The following ZNF546 variants were observed in gnomAD, a reference collection of about 807,000 sequenced individuals.
ZNF546 encodes zinc finger protein 546, also known as CTC-471F3.6.
Under a neutral mutation model 76.2 loss-of-function variants are expected in ZNF546, and 60 were observed. The observed-to-expected ratio is 0.79, with a 90% confidence interval of 0.64 to 0.98. The LOEUF (loss-of-function observed/expected upper bound fraction) is 0.98, where lower values mean the gene tolerates loss of function less well. ZNF546 is among the 50% of genes least tolerant of loss of function. ZNF546 has a pLI of 0.00. For synonymous variants in ZNF546, 277 were observed against 328.1 expected (o/e 0.84, Z 1.68); for missense variants, 936 against 1,035.6 (o/e 0.90, Z 1.32).
At position 40,013,950 on chromosome 19, in the gene ZNF546, G is replaced by GACA; in HGVS notation, c.684_686dup (p.Gln229dup). 1 of 1,612,180 alleles carries GACA rather than the reference G, an allele frequency of 6.2e-7. No homozygotes were observed. The highest frequency in any genetic ancestry group is 8.5e-7 in the Non-Finnish European group (1 of 1,178,958). On this transcript the variant is annotated inframe_insertion, in exon 7 of 7. Transcript: ENST00000347077. ...TGTAAGGAATGTAGAAAGGCCTTTA[G>GACA]ACAACAGTCATACCTTATTCAACAT... is the stretch of plus-strand genomic sequence containing the variant.
Position 40,014,652 on chromosome 19 carries a change from G to A in ZNF546, c.1382G>A (p.Arg461Lys). 6.2e-7 allele frequency: 1 copy of A among 1,611,422 alleles called. No individual in the cohort carries two copies. The highest frequency in any genetic ancestry group is 8.5e-7 in the Non-Finnish European group (1 of 1,179,042). Residue 461 changes from arginine (R) to lysine (K), a missense_variant, in exon 7 of 7, where the codon AGA (arginine) becomes AAA (lysine). Coordinates refer to ENST00000347077, the MANE Select transcript of ZNF546 (RefSeq NM_178544.5). Reference sequence around the variant, plus strand: ...CAAACGGAACTTACTCGGCATCATAGAACTCATACTGGTGAGAAACCCTAT... The same window carrying A: ...CAAACGGAACTTACTCGGCATCATAAAACTCATACTGGTGAGAAACCCTAT... ...RLQTELTRHH[R>K]THTGEKPYEC... is the part of the protein sequence containing the mutation.
intron 5 of ZNF546, among the ~76,000 whole-genome samples, chr19:40,007,930 A>G (rs1971624554): frequency 6.6e-6 from 1 of 152,208 alleles, no homozygotes; most frequent in Admixed American, 6.5e-5. Context: ...TGTTGAAGGA[A>G]TATCTGAGGA....
Position 40,014,075 on chromosome 19 carries a change from G to A in ZNF546, c.805G>A (p.Gly269Arg), listed in dbSNP as rs895916492. ...TAGAGTACATCACACAATCCATGCT[G>A]GGGAGAGACCCTATGAATGTAAAGA... ...DLRVHHTIHA[G>R]ERPYECKECG... Residue 269 changes from glycine (G) to arginine (R), a missense_variant, in exon 7 of 7, where the codon GGG becomes AGG. Physicochemically the swap from Gly to Arg is moderately radical, Grantham distance 125. Transcript: ENST00000347077. 6.2e-7 allele frequency: 1 copy of A among 1,613,170 alleles called. No individual in the cohort carries two copies. Among genetic ancestry groups the A allele is most frequent in the African/African-American group, 1.3e-5 (1 of 74,894 alleles).
Position 40,014,218 on chromosome 19 carries a change from TAG to T in ZNF546, c.951_952del (p.Arg317SerfsTer13). 6.2e-7 allele frequency: 1 copy of T among 1,613,592 alleles called. No individual in the cohort carries two copies. Among genetic ancestry groups the T allele is most frequent in the Non-Finnish European group, 8.5e-7 (1 of 1,179,646 alleles). ...AAGCCTTTAGTCGTGTTAGAGACCT[TAG>T]AGTACATCAGACAATTCATGCTGGA... ...GKAFSRVRDL[R>X]VHQTIHAGER... On this transcript the variant is annotated frameshift_variant, in exon 7 of 7. Transcript: ENST00000347077. LOFTEE classifies it high-confidence loss of function.
intron 3 of ZNF546, among the ~76,000 whole-genome samples, chr19:40,003,832 C>G (rs906764726): frequency 1.3e-5 from 2 of 151,554 alleles, no homozygotes; most frequent in African/African-American, 4.9e-5. Flanking sequence ...GCCAACATGG[C>G]GAAACCCTGT....
At chr19:39,997,315 G>C (rs1266170456) in intron 1 of ZNF546, 158 bp downstream of exon 1, 1 of 152,758 alleles carries the variant, frequency 6.5e-6, no homozygotes, top group African/African-American at 2.4e-5. Context: ...GACAAAATGT[G>C]GCAGACGGTG....
At position 40,014,369 on chromosome 19, in the gene ZNF546, A is replaced by G. The variant is rs1473324823; in HGVS notation, c.1099A>G (p.Arg367Gly). Residue 367 changes from arginine (R) to glycine (G), a missense_variant, in exon 7 of 7, where the codon AGG (arginine) becomes GGG (glycine). Transcript: ENST00000347077. The part of the protein sequence containing the change: ...YECKVCGKTF[R>G]VQRHISQHQK... ...ATGTAAGGTTTGTGGCAAGACCTTT[A>G]GGGTACAACGACATATTAGTCAACA... 6.2e-7 allele frequency: 1 copy of G among 1,613,830 alleles called. No homozygotes were observed. The highest frequency in any genetic ancestry group is 1.3e-5 in the African/African-American group (1 of 74,856).
Position 40,016,027 on chromosome 19 carries a change from T to C in ZNF546, c.*246T>C. On this transcript the variant is annotated 3_prime_UTR_variant, in exon 7 of 7. Coordinates refer to ENST00000347077, the MANE Select transcript of ZNF546 (RefSeq NM_178544.5). The stretch of plus-strand genomic sequence containing the variant: ...GGCCTTTTCCCCTACAAACTGTTGT[T>C]GAACAGTGCTTCTCTAAAATGCAAT... The C allele has an allele frequency of 2.0e-6, 1 of 503,902 alleles. No homozygotes were observed. Among genetic ancestry groups the C allele is most frequent in the South Asian group, 2.2e-5 (1 of 44,672 alleles). The allele number at this position is 503,902 out of a possible 1,614,324, so 31.2% of individuals were successfully genotyped here.
At chr19:40,000,549 G>C (rs1971515705) in intron 3 of ZNF546, among the ~76,000 whole-genome samples, 2 of 150,222 alleles carry the variant, frequency 1.3e-5, no homozygotes, top group African/African-American at 4.9e-5. Flanking sequence ...TTGAACCCAG[G>C]AGGTTGCAGT....
At position 40,015,194 on chromosome 19, in the gene ZNF546, T is replaced by A. The variant is rs373494782; in HGVS notation, c.1924T>A (p.Cys642Ser). 1.5e-5 allele frequency: 25 copies of A among 1,613,896 alleles called. No homozygotes were observed. Among genetic ancestry groups the A allele is most frequent in the Non-Finnish European group, 2.1e-5 (25 of 1,180,002 alleles). The change falls in exon 7 of 7, where the codon TGT becomes AGT. Residue 642 changes from cysteine to serine, a missense_variant. Coordinates refer to ENST00000347077, the MANE Select transcript of ZNF546 (RefSeq NM_178544.5). ...TGAAAAACCCTATAAATGTACAGAA[T>A]GTGGGAAGGCCTTTATTCGTAGCAC... ...TGEKPYKCTE[C>S]GKAFIRSTHL... is the part of the protein sequence containing the mutation.
At chr19:40,006,517 G>C (rs1311512699) in intron 4 of ZNF546, among the ~76,000 whole-genome samples, 2 of 152,176 alleles carry the variant, frequency 1.3e-5, no homozygotes, top group African/African-American at 4.8e-5. Context: ...ATTTCCAAGG[G>C]ATGAATAAGA....
intron 2 of ZNF546, 121 bp from the exon 3 acceptor site, chr19:39,998,127 T>C (rs1971478996): frequency 1.8e-6 from 1 of 560,408 alleles, no homozygotes; most frequent in Non-Finnish European, 3.2e-6. Context: ...TTTTTCCCTT[T>C]GAAGAAGTTC....
Position 39,998,428 on chromosome 19 carries a change from CT to C in ZNF546, c.84+19del, listed in dbSNP as rs1400165689. The C allele has an allele frequency of 6.3e-7, 1 of 1,597,774 alleles. No homozygotes were observed. The highest frequency in any genetic ancestry group is 2.2e-5 in the East Asian group (1 of 44,790). On this transcript the variant is annotated intron_variant, in intron 3 of 6. Coordinates refer to ENST00000347077, the MANE Select transcript of ZNF546 (RefSeq NM_178544.5). ...CTATAATGGTAGAGAAATGCATATC[CT>C]GGAGTCTAAAGTTAAAACTTTGTTT...
intron 3 of ZNF546, among the ~76,000 whole-genome samples, chr19:39,999,364 T>G (rs991902092): frequency 8.5e-5 from 13 of 152,344 alleles, no homozygotes; most frequent in African/African-American, 2.9e-4. Context: ...TTCCTATTGT[T>G]TGCATACATG....
At chr19:39,998,170 G>T in intron 2 of ZNF546, 78 bp from the exon 3 acceptor site, 1 of 574,702 alleles carries the variant, frequency 1.7e-6, no homozygotes, top group Non-Finnish European at 3.1e-6. Context: ...TAAATTATTT[G>T]TCACATAAAT....
At position 40,006,118 on chromosome 19, in the gene ZNF546, G is replaced by T. The variant is rs1362344022; in HGVS notation, c.107G>T (p.Cys36Phe). 1 of 1,613,862 alleles carries T rather than the reference G, an allele frequency of 6.2e-7. No homozygotes were observed. Among genetic ancestry groups the T allele is most frequent in the Non-Finnish European group, 8.5e-7 (1 of 1,179,974 alleles). Residue 36 changes from cysteine to phenylalanine, a missense_variant, in exon 4 of 7, where the codon TGC becomes TTC. By Grantham distance (205) the Cys-to-Phe change is radical. Transcript: ENST00000347077. ...SIMPRFLWIL[C>F]FSMEETQGEL... The stretch of plus-strand genomic sequence containing the variant: ...CAGCCCCGGTTTCTCTGGATTCTGT[G>T]CTTCTCCATGGAGGAAACTCAAGGA...
At position 40,015,389 on chromosome 19, in the gene ZNF546, C is replaced by T. The variant is rs747793777; in HGVS notation, c.2119C>T (p.Arg707Ter). ...ECGNAFICSY[R>*]LTLHQRIHTG... The stretch of plus-strand genomic sequence containing the variant: ...TGGGAATGCTTTTATTTGCAGTTAT[C>T]GACTTACATTACATCAAAGAATTCA... The change falls in exon 7 of 7, where the codon CGA (arginine) becomes TGA (stop). Residue 707 changes from arginine (R) to a stop codon, truncating the protein, a stop_gained. Coordinates refer to ENST00000347077, the MANE Select transcript of ZNF546 (RefSeq NM_178544.5). LOFTEE classifies it high-confidence loss of function. The T allele has an allele frequency of 2.2e-5, 35 of 1,614,006 alleles. No individual in the cohort carries two copies. The highest frequency in any genetic ancestry group is 8.0e-5 in the African/African-American group (6 of 74,900).
chr19:39,998,706 G>C (rs1393154342), intron 3 of ZNF546, among the ~76,000 whole-genome samples: 1 of 152,164 alleles, frequency 6.6e-6, no homozygotes. Context: ...TTTATACAGA[G>C]TTAGTCATAA....
chr19:39,997,298 A>C (rs1190999352), intron 1 of ZNF546, 141 bp downstream of exon 1: 3 of 152,444 alleles, frequency 2.0e-5, no homozygotes, highest in African/African-American at 7.2e-5. Flanking sequence ...GAGAAGGGAA[A>C]TTGTGTGACA....
Sources: gnomAD v4.1 joint callset for allele counts (sites outside exome capture counted in the v4.1 genomes callset) on GRCh38, gnomAD v4.1.1 for gene constraint, MANE v1.5 for transcripts, NCBI Gene and HGNC (gene_info 2026-07-23, HGNC 2026-07-21) for gene names.